Variants in LDLRAD4 observed in about 807,000 individuals in gnomAD.
The protein encoded by LDLRAD4 is low-density lipoprotein receptor class A domain-containing protein 4.
LDLRAD4 carries 5 observed loss-of-function variants against 17.0 expected under a neutral mutation model. The ratio of observed to expected loss-of-function variants is 0.29; its 90% CI spans 0.15 to 0.62. LDLRAD4 has a LOEUF of 0.62. LDLRAD4 is among the 20% of genes least tolerant of loss of function. LDLRAD4 has a pLI of 0.84. For missense variants in LDLRAD4, 340 were observed against 424.7 expected (o/e 0.80, Z 1.75); for synonymous variants, 168 against 171.8 (o/e 0.98, Z 0.17).
intron 1 of LDLRAD4, among the ~76,000 whole-genome samples, chr18:13,302,183 C>G (rs1427445960): frequency 6.6e-6 from 1 of 152,224 alleles, no homozygotes; most frequent in East Asian, 1.9e-4. Context: ...TAATTCACTG[C>G]TGTCGCCGGC....
In LDLRAD4 at chr18:13,281,409, C is replaced by A. The variant is rs531565029; in HGVS notation, c.-383+3221C>A. ...GTCTCCAATCTCGCCCTCCACCCCC[C>A]TCAAAACAAAAACAAAAACAAAAAA... On this transcript the variant is annotated intron_variant, in intron 1 of 5. Coordinates refer to ENST00000359446, the Ensembl canonical transcript of LDLRAD4. Among the ~76,000 whole-genome samples the A allele has an allele frequency of 1.1e-4, 16 of 152,260 alleles. No individual in the cohort carries two copies. The South Asian group carries it at 2.3e-3, about 22-fold the overall frequency.
At chr18:13,389,301 C>G (rs982118112) in intron 2 of LDLRAD4, among the ~76,000 whole-genome samples, 1 of 150,510 alleles carries the variant, frequency 6.6e-6, no homozygotes, top group Non-Finnish European at 1.5e-5. Context: ...CCCCTCCAGG[C>G]AGGGATGGGC....
intron 3 of LDLRAD4, among the ~76,000 whole-genome samples, chr18:13,456,001 C>T (rs1236684412): frequency 1.3e-5 from 2 of 152,140 alleles, no homozygotes; most frequent in South Asian, 2.1e-4. Flanking sequence ...CGCCATGTCC[C>T]GCGCTGTCTG....
At chr18:13,264,002 G>A (rs952907863) in intron 1 of LDLRAD4, among the ~76,000 whole-genome samples, 1 of 152,156 alleles carries the variant, frequency 6.6e-6, no homozygotes, top group East Asian at 1.9e-4. Flanking sequence ...AAGAATTTTG[G>A]ATGAAACTAA....
intron 1 of LDLRAD4, among the ~76,000 whole-genome samples, chr18:13,305,887 C>G (rs1458187630): frequency 6.6e-6 from 1 of 152,086 alleles, no homozygotes; most frequent in Non-Finnish European, 1.5e-5. Flanking sequence ...GAAAGCTCAC[C>G]TATAGACTCT....
At chr18:13,557,880 A>C (rs56256804) in intron 3 of LDLRAD4, among the ~76,000 whole-genome samples, 1 of 152,202 alleles carries the variant, frequency 6.6e-6, no homozygotes, top group South Asian at 2.1e-4. Context: ...AGTATGTCCA[A>C]ATTCTTGATG....
At chr18:13,487,401 C>G (rs2147048701) in intron 3 of LDLRAD4, 1 of 152,368 alleles carries the variant, frequency 6.6e-6, no homozygotes, top group Middle Eastern at 3.4e-3. Flanking sequence ...GTGGCCAGAC[C>G]AGGAAGGGCT....
intron 1 of LDLRAD4, among the ~76,000 whole-genome samples, chr18:13,330,117 G>A (rs527651692): frequency 1.6e-4 from 25 of 151,822 alleles, no homozygotes; most frequent in Admixed American, 5.9e-4. Flanking sequence ...CACCACGCCC[G>A]GCTAATTTTT....
At chr18:13,360,811 G>A (rs960895310) in intron 1 of LDLRAD4, among the ~76,000 whole-genome samples, 14 of 152,162 alleles carry the variant, frequency 9.2e-5, no homozygotes, top group African/African-American at 2.4e-4. Flanking sequence ...CCACTTTGAC[G>A]CTATGCAAGT....
intron 1 of LDLRAD4, among the ~76,000 whole-genome samples, chr18:13,224,622 G>A (rs2041663502): frequency 6.6e-6 from 1 of 151,578 alleles, no homozygotes; most frequent in Admixed American, 6.6e-5. Flanking sequence ...TGGGATTACA[G>A]GCACGTGCCA....
At chr18:13,603,546 G>C (rs1031659808) in intron 3 of LDLRAD4, among the ~76,000 whole-genome samples, 1 of 152,230 alleles carries the variant, frequency 6.6e-6, no homozygotes, top group African/African-American at 2.4e-5. Context: ...TCTCTCACCT[G>C]TGAGATTGGG....
rs188238312 is a variant in LDLRAD4 at position 13,607,446 on chromosome 18, T to C, written c.182-13671T>C. ...TTTTTTTCTTATTATTTTATTTTACTTTAAGTTCTGGGATACATGTGCTGT... is the reference window on the plus strand; with the variant it reads ...TTTTTTTCTTATTATTTTATTTTACCTTAAGTTCTGGGATACATGTGCTGT... On this transcript the variant is annotated intron_variant, in intron 3 of 5. Coordinates refer to ENST00000359446, the Ensembl canonical transcript of LDLRAD4. Among the ~76,000 whole-genome samples the C allele has an allele frequency of 2.8e-4, 42 of 151,790 alleles. No individual in the cohort carries two copies. In the East Asian group the frequency reaches 6.3e-3, roughly 23 times the overall value.
At chr18:13,542,951 G>C (rs1260047096) in intron 3 of LDLRAD4, 1 of 152,104 alleles carries the variant, frequency 6.6e-6, no homozygotes, top group Non-Finnish European at 1.5e-5. Flanking sequence ...CTAGTTTCCT[G>C]GTATTAAGGA....
At chr18:13,483,792 G>A (rs1259433572) in intron 3 of LDLRAD4, among the ~76,000 whole-genome samples, 2 of 152,136 alleles carry the variant, frequency 1.3e-5, no homozygotes, top group African/African-American at 4.8e-5. Context: ...GGTGTTGTGG[G>A]CAGGTCTTCC....
At chr18:13,566,257 T>C (rs2094599761) in intron 3 of LDLRAD4, among the ~76,000 whole-genome samples, 1 of 152,192 alleles carries the variant, frequency 6.6e-6, no homozygotes, top group Non-Finnish European at 1.5e-5. Flanking sequence ...TTGGCTCCTG[T>C]TCCTGTCTCT....
chr18:13,294,930 T>C (rs8098582), intron 1 of LDLRAD4, among the ~76,000 whole-genome samples: 84,224 of 151,824 alleles, frequency 0.55, 25,166 homozygotes, highest in African/African-American at 0.79. Flanking sequence ...AGAAAATGCT[T>C]AGGAAAAGGG....
intron 3 of LDLRAD4, among the ~76,000 whole-genome samples, chr18:13,572,673 C>G (rs771882872): frequency 2.0e-5 from 3 of 152,210 alleles, no homozygotes; most frequent in Non-Finnish European, 2.9e-5. Flanking sequence ...GAGTAACATT[C>G]TCAATTCCCA....
At chr18:13,531,338 A>G (rs1378443798) in intron 3 of LDLRAD4, among the ~76,000 whole-genome samples, 1 of 152,048 alleles carries the variant, frequency 6.6e-6, no homozygotes, top group Non-Finnish European at 1.5e-5. Context: ...CTGTGTGATT[A>G]TAGAATCACA....
chr18:13,358,656 A>G (rs763693299), intron 1 of LDLRAD4, among the ~76,000 whole-genome samples: 1 of 152,214 alleles, frequency 6.6e-6, no homozygotes, highest in Non-Finnish European at 1.5e-5. Context: ...GACGAAAACT[A>G]CTAATTCTAC....
Sources: allele counts gnomAD v4.1 joint callset (sites outside exome capture counted in the v4.1 genomes callset), GRCh38; gene constraint gnomAD v4.1.1; transcripts MANE v1.5; gene names NCBI Gene and HGNC (gene_info 2026-07-23, HGNC 2026-07-21).